The following NEBL variants were observed in gnomAD, a reference collection of about 807,000 sequenced individuals.
The protein encoded by NEBL is nebulette.
NEBL carries 122 observed loss-of-function variants against 140.2 expected under a neutral mutation model. The observed-to-expected ratio is 0.87, with a 90% CI of 0.75 to 1.01. NEBL has a LOEUF of 1.01. Ranked by LOEUF, NEBL falls within the 50% of genes least tolerant of loss-of-function variation. NEBL has a pLI of 0.00. For synonymous variants in NEBL, 436 were observed against 398.9 expected (o/e 1.09, Z -1.11); for missense variants, 1,365 against 1,231.3 (o/e 1.11, Z -1.62).
At chr10:21,237,718 T>C (rs1033461148) in intron 3 of NEBL, among the ~76,000 whole-genome samples, 1 of 152,164 alleles carries the variant, frequency 6.6e-6, no homozygotes, top group African/African-American at 2.4e-5. Flanking sequence ...GAAATTCTCC[T>C]GCCTCAGCCT....
At chr10:21,223,032 G>T (rs995787103) in intron 3 of NEBL, among the ~76,000 whole-genome samples, 10 of 152,152 alleles carry the variant, frequency 6.6e-5, no homozygotes, top group African/African-American at 2.4e-4. Flanking sequence ...CAAAGTGCTG[G>T]GATTACAGGC....
chr10:20,919,729 T>C (rs959200624), intron 4 of NEBL, among the ~76,000 whole-genome samples: 4 of 152,084 alleles, frequency 2.6e-5, no homozygotes, highest in African/African-American at 4.8e-5. Flanking sequence ...GAACAAAACA[T>C]AGGGGAATTG....
intron 2 of NEBL, among the ~76,000 whole-genome samples, chr10:20,894,926 CT>C (rs1179161161): frequency 0.018 from 1,810 of 102,610 alleles, 34 homozygotes; most frequent in African/African-American, 0.071. Flanking sequence ...GAGACTCTGT[CT>C]AAAAAAAAAA....
chr10:21,081,605 C>T (rs535354094), intron 2 of NEBL, among the ~76,000 whole-genome samples: 1 of 152,242 alleles, frequency 6.6e-6, no homozygotes, highest in South Asian at 2.1e-4. Context: ...ACTCCAATAG[C>T]AACAAGCATA....
intron 2 of NEBL, among the ~76,000 whole-genome samples, chr10:21,171,356 A>C (rs58238335): frequency 0.024 from 3,664 of 151,486 alleles, 176 homozygotes; most frequent in African/African-American, 0.084. Context: ...AAAAGAAAAA[A>C]AAAAAAGAAA....
intron 5 of NEBL, among the ~76,000 whole-genome samples, chr10:20,875,717 A>ATAGCCAGC (rs1335252612): frequency 2.6e-5 from 4 of 151,442 alleles, no homozygotes; most frequent in African/African-American, 9.8e-5. Flanking sequence ...TGCAGGAGTG[A>ATAGCCAGC]TAGCCAGCCA....
At chr10:21,111,878 T>C (rs1397069187) in intron 2 of NEBL, among the ~76,000 whole-genome samples, 1 of 151,778 alleles carries the variant, frequency 6.6e-6, no homozygotes, top group East Asian at 1.9e-4. Context: ...ACAAAGAACT[T>C]AAACAAATTT....
intron 3 of NEBL, among the ~76,000 whole-genome samples, chr10:21,009,933 G>T (rs1167391138): frequency 1.3e-5 from 2 of 152,106 alleles, no homozygotes; most frequent in Admixed American, 6.5e-5. Context: ...CACAATAAGG[G>T]CTACCGCAGG....
chr10:20,870,938 C>T (rs1844864971), intron 5 of NEBL, among the ~76,000 whole-genome samples: 1 of 152,142 alleles, frequency 6.6e-6, no homozygotes, highest in South Asian at 2.1e-4. Context: ...GTCCGATGGC[C>T]CATGTTTCAC....
chr10:20,942,316 C>T (rs1455595070), intron 4 of NEBL, among the ~76,000 whole-genome samples: 2 of 152,124 alleles, frequency 1.3e-5, no homozygotes, highest in African/African-American at 2.4e-5. Context: ...TTTGACAAAC[C>T]TGACAAAAAC....
At position 21,146,105 on chromosome 10, in the gene NEBL, C is replaced by T. The variant is rs182558105; in HGVS notation, c.164+26278G>A. Among the ~76,000 whole-genome samples the T allele has an allele frequency of 2.2e-3, 341 of 152,286 alleles. 2 individuals carry two copies. Among genetic ancestry groups the T allele is most frequent in the African/African-American group, 7.6e-3 (315 of 41,572 alleles). On this transcript the variant is annotated intron_variant, in intron 2 of 6. Transcript: ENST00000417816. Reference sequence around the variant, plus strand: ...TAGGGAAAAATTCATTTGAGTCTTCCTTTACAAATCTCCAAAAGAAAAAGA... The same window carrying T: ...TAGGGAAAAATTCATTTGAGTCTTCTTTTACAAATCTCCAAAAGAAAAAGA...
intron 3 of NEBL, among the ~76,000 whole-genome samples, chr10:21,181,117 G>A (rs1841379655): frequency 6.6e-6 from 1 of 151,914 alleles, no homozygotes; most frequent in South Asian, 2.1e-4. Flanking sequence ...CAAAAAATTA[G>A]CCAGGTATGG....
chr10:20,923,954 T>C (rs1392549323), intron 4 of NEBL, among the ~76,000 whole-genome samples: 1 of 152,082 alleles, frequency 6.6e-6, no homozygotes, highest in Non-Finnish European at 1.5e-5. Context: ...TTCTAATTCA[T>C]CTGGGTGTCT....
chr10:21,235,452 C>A (rs375924426), intron 3 of NEBL, among the ~76,000 whole-genome samples: 2 of 152,098 alleles, frequency 1.3e-5, no homozygotes, highest in African/African-American at 4.8e-5. Flanking sequence ...GTAGCTGGGA[C>A]TACAGGTGCC....
chr10:21,146,057 C>T (rs892483662), intron 2 of NEBL, among the ~76,000 whole-genome samples: 4 of 152,044 alleles, frequency 2.6e-5, no homozygotes, highest in South Asian at 2.1e-4. Flanking sequence ...GTTAAGCGCC[C>T]GCTATGAGCC....
rs377702958 is a variant in NEBL at position 20,815,625 on chromosome 10, C to G, written c.2241G>C (p.Ser747=). Residue 747 remains serine (S), a splice_region_variant and synonymous_variant, in exon 22 of 28, where the codon TCG becomes TCC. Coordinates refer to ENST00000377122, the MANE Select transcript of NEBL (RefSeq NM_006393.3). ...GTCTAAAATGAAGAAAACCACTTGC[C>G]GAGCTAATATTTTCTTGATTCTTCT... ...RVKKNQENIS[S]VKYTQDHKQM... is the part of the protein sequence containing the mutation. The G allele has an allele frequency of 6.2e-7, 1 of 1,601,136 alleles. No homozygotes were observed.
chr10:20,828,590 A>G lies in NEBL; in HGVS notation c.1716T>C (p.Ser572=). The change falls in exon 17 of 28, where the codon TCT becomes TCC. Residue 572 remains serine (S), a synonymous_variant. Transcript: ENST00000377122. ...GAATTTCAGGAGTATCTGCTATGGT[A>G]GAATAGTTAGAAAGCATCTTCTCTG... ...DEAEKMLSNY[S]TIADTPEIQR... 6.3e-7 allele frequency: 1 copy of G among 1,594,204 alleles called. No homozygotes were observed. The highest frequency in any genetic ancestry group is 8.6e-7 in the Non-Finnish European group (1 of 1,162,302).
chr10:20,857,431 G>A (rs1843190887), intron 9 of NEBL, among the ~76,000 whole-genome samples: 1 of 151,996 alleles, frequency 6.6e-6, no homozygotes, highest in African/African-American at 2.4e-5. Context: ...TCTATGCCTG[G>A]CCCAAAGCAG....
At chr10:20,806,954 T>G (rs373389771) in intron 26 of NEBL, among the ~76,000 whole-genome samples, 83 of 152,308 alleles carry the variant, frequency 5.4e-4, no homozygotes, top group African/African-American at 2.0e-3. Flanking sequence ...ATTTATCTCT[T>G]TAAATATCAA....
Sources: allele counts gnomAD v4.1 joint callset (sites outside exome capture counted in the v4.1 genomes callset), GRCh38; gene constraint gnomAD v4.1.1; transcripts MANE v1.5; gene names NCBI Gene and HGNC (gene_info 2026-07-23, HGNC 2026-07-21).